The following FAM78B variants were observed in gnomAD, a reference collection of about 807,000 sequenced individuals.
FAM78B encodes protein FAM78B.
Under a neutral mutation model 20.0 loss-of-function variants are expected in FAM78B, and 10 were observed. That is an observed-to-expected ratio of 0.50 (90% CI 0.31 to 0.85). The LOEUF (loss-of-function observed/expected upper bound fraction) is 0.85. Ranked by LOEUF, FAM78B falls within the 40% of genes least tolerant of loss-of-function variation. FAM78B has a pLI of 0.05. For missense variants in FAM78B, 283 were observed against 345.0 expected (o/e 0.82, Z 1.42); for synonymous variants, 135 against 132.8 (o/e 1.02, Z -0.12).
At chr1:166,140,078 G>A (rs987330840) in intron 1 of FAM78B, among the ~76,000 whole-genome samples, 8 of 152,212 alleles carry the variant, frequency 5.3e-5, no homozygotes, top group African/African-American at 1.4e-4. Flanking sequence ...TAGAGCACAC[G>A]TTTCTGAAGC....
chr1:166,094,841 G>A (rs1653213301), intron 1 of FAM78B, among the ~76,000 whole-genome samples: 1 of 152,208 alleles, frequency 6.6e-6, no homozygotes, highest in Non-Finnish European at 1.5e-5. Flanking sequence ...AACACTTACT[G>A]AGGTTTATAC....
intron 1 of FAM78B, among the ~76,000 whole-genome samples, chr1:166,150,843 T>G (rs531508022): frequency 1.3e-5 from 2 of 152,246 alleles, no homozygotes; most frequent in South Asian, 4.2e-4. Context: ...ATGCCAGCAC[T>G]TTGGGAGGCT....
downstream of FAM78B, among the ~76,000 whole-genome samples, chr1:166,069,165 T>G (rs190806391): frequency 5.0e-4 from 76 of 152,314 alleles, no homozygotes; most frequent in Admixed American, 1.9e-3. Flanking sequence ...CAGGTAGATA[T>G]GTAGGCACTG....
chr1:166,058,954 C>G (rs759899580), exon 3 of FAM78B: 28 of 152,586 alleles, frequency 1.8e-4, no homozygotes, highest in Admixed American at 3.3e-4. Context: ...ACCCCTTTCT[C>G]TGTTAACAGT....
intron 1 of FAM78B, among the ~76,000 whole-genome samples, chr1:166,075,531 G>A (rs1012042722): frequency 6.6e-6 from 1 of 152,212 alleles, no homozygotes; most frequent in Non-Finnish European, 1.5e-5. Flanking sequence ...TCAAGGTGTA[G>A]TACCTGACTG....
At chr1:166,094,114 G>T (rs892794234) in intron 1 of FAM78B, among the ~76,000 whole-genome samples, 29 of 151,806 alleles carry the variant, frequency 1.9e-4, no homozygotes, top group African/African-American at 7.0e-4. Flanking sequence ...ACGTTGGGAT[G>T]CAGGGCTGAT....
intron 1 of FAM78B, among the ~76,000 whole-genome samples, chr1:166,148,176 C>G (rs1313201351): frequency 6.6e-6 from 1 of 152,192 alleles, no homozygotes. Context: ...AATAATTCAA[C>G]TCTAATCAGA....
intron 1 of FAM78B, among the ~76,000 whole-genome samples, chr1:166,122,708 C>A (rs1055900851): frequency 2.0e-5 from 3 of 152,208 alleles, no homozygotes; most frequent in African/African-American, 7.2e-5. Flanking sequence ...GGCTTCTTAG[C>A]TGCCAAATGG....
At chr1:166,150,238 C>G (rs558975872) in intron 1 of FAM78B, among the ~76,000 whole-genome samples, 1 of 152,236 alleles carries the variant, frequency 6.6e-6, no homozygotes, top group South Asian at 2.1e-4. Flanking sequence ...GGCCTTAGAC[C>G]CAAACCCTCC....
chr1:166,163,083 T>C (rs992254357), intron 1 of FAM78B, among the ~76,000 whole-genome samples: 2 of 152,182 alleles, frequency 1.3e-5, no homozygotes, highest in East Asian at 1.9e-4. Flanking sequence ...TCCTTTTTCT[T>C]TGGTGCTGCT....
intron 1 of FAM78B, among the ~76,000 whole-genome samples, chr1:166,088,074 T>C (rs907726714): frequency 1.3e-5 from 2 of 152,146 alleles, no homozygotes; most frequent in Admixed American, 1.3e-4. Flanking sequence ...TTTGACCCAA[T>C]TCTGCTCAAG....
chr1:166,108,877 C>T (rs1350946275), intron 1 of FAM78B, among the ~76,000 whole-genome samples: 1 of 152,142 alleles, frequency 6.6e-6, no homozygotes, highest in East Asian at 1.9e-4. Flanking sequence ...GCCAACTGAT[C>T]TTTGACAAAG....
rs141279977 is a variant in FAM78B, at chr1:166,088,378, C to T, written c.264-17615G>A. 2.8e-3 allele frequency among the ~76,000 whole-genome samples: 430 copies of T among 152,310 alleles called. 1 individual carries two copies. Among genetic ancestry groups the T allele is most frequent in the African/African-American group, 9.7e-3 (404 of 41,566 alleles). On this transcript the variant is annotated intron_variant, in intron 1 of 1. Coordinates refer to ENST00000354422, the MANE Select transcript of FAM78B (RefSeq NM_001017961.5). ...CTGTGCTCCATGTTCTCCTCACTCC[C>T]TCCCAAGGGAGTTTTCTCCCATCTG...
At chr1:166,149,320 T>A (rs1015898021) in intron 1 of FAM78B, among the ~76,000 whole-genome samples, 2 of 152,214 alleles carry the variant, frequency 1.3e-5, no homozygotes, top group Admixed American at 6.5e-5. Flanking sequence ...AACAGATATC[T>A]TAAACTCCAT....
intron 1 of FAM78B, among the ~76,000 whole-genome samples, chr1:166,143,870 A>C (rs567001262): frequency 6.6e-6 from 1 of 152,306 alleles, no homozygotes; most frequent in South Asian, 2.1e-4. Flanking sequence ...CAACTCTTTT[A>C]GTCTTTACCC....
intron 1 of FAM78B, among the ~76,000 whole-genome samples, chr1:166,136,546 T>C (rs1655071668): frequency 6.6e-6 from 1 of 152,180 alleles, no homozygotes; most frequent in African/African-American, 2.4e-5. Context: ...CCCCTTCCTC[T>C]TCCCCTCTTT....
chr1:166,144,997 G>C (rs1227078749), intron 1 of FAM78B, among the ~76,000 whole-genome samples: 1 of 152,112 alleles, frequency 6.6e-6, no homozygotes, highest in Non-Finnish European at 1.5e-5. Context: ...CCACCTACCA[G>C]ACTTGACTAT....
chr1:166,091,927 T>C (rs1653089907), intron 1 of FAM78B, among the ~76,000 whole-genome samples: 1 of 152,026 alleles, frequency 6.6e-6, no homozygotes, highest in Non-Finnish European at 1.5e-5. Flanking sequence ...TAAACCTACA[T>C]CCACATTCTG....
At chr1:166,098,550 A>G (rs1349189376) in intron 1 of FAM78B, among the ~76,000 whole-genome samples, 1 of 152,116 alleles carries the variant, frequency 6.6e-6, no homozygotes, top group African/African-American at 2.4e-5. Context: ...AGAAAAAACA[A>G]TAAAAAATTC....
Sources: gnomAD v4.1 joint callset for allele counts (sites outside exome capture counted in the v4.1 genomes callset) on GRCh38, gnomAD v4.1.1 for gene constraint, MANE v1.5 for transcripts, NCBI Gene and HGNC (gene_info 2026-07-23, HGNC 2026-07-21) for gene names.